SPATA21: variants seen among roughly 807,000 people sequenced by gnomAD.
SPATA21 encodes spermatogenesis associated 21, also known as spermatogenesis-associated protein 21.
A neutral mutation model predicts 54.8 loss-of-function variants in SPATA21; 47 were observed. That is an observed-to-expected ratio of 0.86 (90% CI 0.68 to 1.09). The LOEUF (loss-of-function observed/expected upper bound fraction) is 1.09, where lower values mean the gene tolerates loss of function less well. Ranked by LOEUF, SPATA21 falls within the 50% of genes least tolerant of loss-of-function variation. SPATA21 has a pLI of 0.00. For synonymous variants in SPATA21, 245 were observed against 235.3 expected (o/e 1.04, Z -0.38); for missense variants, 599 against 596.4 (o/e 1.00, Z -0.05).
At chr1:16,406,765 G>A (rs544138167) in intron 7 of SPATA21, among the ~76,000 whole-genome samples, 17 of 152,064 alleles carry the variant, frequency 1.1e-4, no homozygotes, top group African/African-American at 3.9e-4. Flanking sequence ...AATAATAAAC[G>A]CAAATTTGGA....
intron 3 of SPATA21, among the ~76,000 whole-genome samples, chr1:16,430,963 C>T (rs1242596002): frequency 6.6e-6 from 1 of 152,224 alleles, no homozygotes; most frequent in Non-Finnish European, 1.5e-5. Flanking sequence ...TGCCATCTTG[C>T]AGGGAGAGCT....
chr1:16,399,726 T>C (rs922820292), intron 11 of SPATA21, among the ~76,000 whole-genome samples: 2 of 152,192 alleles, frequency 1.3e-5, no homozygotes, highest in Admixed American at 6.5e-5. Context: ...AGGAGAAATA[T>C]ATGCAAAGCA....
At chr1:16,423,540 T>C (rs1029039031) in intron 3 of SPATA21, among the ~76,000 whole-genome samples, 13 of 75,690 alleles carry the variant, frequency 1.7e-4, no homozygotes, top group East Asian at 4.5e-4. Flanking sequence ...CTCTCTCTCC[T>C]TTTTTTTTTT....
At chr1:16,405,429 G>A (rs1475060131) in intron 7 of SPATA21, among the ~76,000 whole-genome samples, 1 of 148,616 alleles carries the variant, frequency 6.7e-6, no homozygotes, top group African/African-American at 2.5e-5. Flanking sequence ...GATTGCTTGA[G>A]CCTGGGATTT....
Position 16,421,473 on chromosome 1 carries a change from A to G in SPATA21, c.144+36T>C. On this transcript the variant is annotated intron_variant, in intron 5 of 12. Coordinates refer to ENST00000335496, the MANE Select transcript of SPATA21 (RefSeq NM_198546.1). This position sits in a 1 kb window ranked among gnomAD's most constrained non-coding sequence, Gnocchi z 5.2. Reference sequence around the variant, plus strand: ...CTGATCCCCCCTGCCTTTCTCCTACACAGCTCGTCCCCGTTCCCCCTATGG... The same window carrying G: ...CTGATCCCCCCTGCCTTTCTCCTACGCAGCTCGTCCCCGTTCCCCCTATGG... 6.3e-7 allele frequency: 1 copy of G among 1,593,520 alleles called. No homozygotes were observed. The highest frequency in any genetic ancestry group is 8.5e-7 in the Non-Finnish European group (1 of 1,170,432).
intron 3 of SPATA21, among the ~76,000 whole-genome samples, chr1:16,423,891 G>T (rs1175040309): frequency 2.6e-5 from 4 of 151,856 alleles, no homozygotes; most frequent in South Asian, 4.2e-4. Context: ...CAGACAGAAA[G>T]AATGTACACT....
chr1:16,426,576 TATA>T (rs1353267811), intron 3 of SPATA21, among the ~76,000 whole-genome samples: 116 of 116,954 alleles, frequency 9.9e-4, no homozygotes, highest in African/African-American at 4.1e-3. Context: ...TATATATATA[TATA>T]TTTTTTTTTT....
downstream of SPATA21, among the ~76,000 whole-genome samples, chr1:16,398,387 G>A (rs909778510): frequency 2.0e-5 from 3 of 152,164 alleles, no homozygotes; most frequent in African/African-American, 7.2e-5. Context: ...TCTTCCACAG[G>A]GCCTGTCTTA....
intron 5 of SPATA21, 122 bp from the exon 6 acceptor site, chr1:16,410,165 G>C: frequency 2.5e-6 from 2 of 800,204 alleles, no homozygotes; most frequent in South Asian, 2.0e-5. Context: ...GCCTTTGGAG[G>C]ATGTACCCCA....
At chr1:16,401,535 A>G (rs1256134336) in intron 10 of SPATA21, among the ~76,000 whole-genome samples, 1 of 152,132 alleles carries the variant, frequency 6.6e-6, no homozygotes, top group Admixed American at 6.6e-5. Flanking sequence ...GCCTCAAGCA[A>G]TCCTTACACC....
In SPATA21 at chr1:16,427,584, C is replaced by T. The variant is rs186902229; in HGVS notation, c.34+3754G>A. Among the ~76,000 whole-genome samples, 319 of 152,136 alleles carry T rather than the reference C, an allele frequency of 2.1e-3. 2 individuals carry two copies. The highest frequency in any genetic ancestry group is 7.5e-3 in the African/African-American group (310 of 41,518). On this transcript the variant is annotated intron_variant, in intron 3 of 12. Transcript: ENST00000335496. The stretch of plus-strand genomic sequence containing the variant: ...TATTTATCGAACATTTACTATGTGT[C>T]AGGCATAGTACTAGGCATGAGGGCT...
intron 5 of SPATA21, chr1:16,410,723 T>C (rs1439138826): frequency 3.7e-6 from 1 of 269,812 alleles, no homozygotes; most frequent in Non-Finnish European, 7.8e-6. Flanking sequence ...ATCTTTGTAT[T>C]TTTTGTAGAG....
chr1:16,416,544 G>A (rs908057475), intron 5 of SPATA21, among the ~76,000 whole-genome samples: 3 of 152,110 alleles, frequency 2.0e-5, no homozygotes, highest in African/African-American at 7.2e-5. Flanking sequence ...CACACGTGGT[G>A]GTATATGCCT....
At chr1:16,423,147 ACT>A (rs1431740662) in intron 3 of SPATA21, among the ~76,000 whole-genome samples, 2 of 149,742 alleles carry the variant, frequency 1.3e-5, no homozygotes, top group Non-Finnish European at 3.0e-5. Flanking sequence ...ACAGAGTGAG[ACT>A]CTGTCTCTTG....
At position 16,421,030 on chromosome 1, in the gene SPATA21, G is replaced by A. The variant is rs1036565063; in HGVS notation, c.144+479C>T. Among the ~76,000 whole-genome samples the A allele has an allele frequency of 1.3e-5, 2 of 152,166 alleles. No individual in the cohort carries two copies. The highest frequency in any genetic ancestry group is 6.6e-5 in the Admixed American group (1 of 15,260). The stretch of plus-strand genomic sequence containing the variant: ...GAACAGAACAGGATGAGACAGGGCA[G>A]ATGCTGGCAGGGCATGCATGCTAGT... On this transcript the variant is annotated intron_variant, in intron 5 of 12. Coordinates refer to ENST00000335496, the MANE Select transcript of SPATA21 (RefSeq NM_198546.1). The surrounding 1 kb of genome is among the most constrained non-coding windows in gnomAD (Gnocchi z 5.2).
intron 5 of SPATA21, among the ~76,000 whole-genome samples, chr1:16,414,686 G>T (rs923746438): frequency 1.3e-4 from 19 of 151,792 alleles, no homozygotes; most frequent in Admixed American, 1.1e-3. Flanking sequence ...CCTGAGGTTG[G>T]GAGTTCGAGA....
At chr1:16,435,622 CTT>C (rs565292770) in intron 1 of SPATA21, among the ~76,000 whole-genome samples, 2 of 144,736 alleles carry the variant, frequency 1.4e-5, no homozygotes, top group Non-Finnish European at 1.5e-5. Flanking sequence ...CGGCCCCCCC[CTT>C]TTTTTTTTTT....
chr1:16,398,331 G>C (rs1368172366), downstream of SPATA21, among the ~76,000 whole-genome samples: 2 of 152,036 alleles, frequency 1.3e-5, no homozygotes, highest in Non-Finnish European at 2.9e-5. Flanking sequence ...TGAGAGCCCT[G>C]GGTCCTGGGG....
intron 3 of SPATA21, among the ~76,000 whole-genome samples, chr1:16,431,028 G>A (rs773710916): frequency 6.6e-6 from 1 of 152,210 alleles, no homozygotes; most frequent in Non-Finnish European, 1.5e-5. Context: ...TACTCATTTA[G>A]CACATTGATC....
Sources: gnomAD v4.1 joint callset for allele counts (sites outside exome capture counted in the v4.1 genomes callset) on GRCh38, gnomAD v4.1.1 for gene constraint, Gnocchi (gnomAD v3.1) non-coding constraint, MANE v1.5 for transcripts, NCBI Gene and HGNC (gene_info 2026-07-23, HGNC 2026-07-21) for gene names.